The following RCAN1 variants were observed in gnomAD, a reference collection of about 807,000 sequenced individuals.
RCAN1 encodes the protein calcipressin-1.
In RCAN1, 11 loss-of-function variants were observed where a neutral mutation model predicts 22.9. The observed-to-expected ratio is 0.48, with a 90% CI of 0.30 to 0.79. The LOEUF (loss-of-function observed/expected upper bound fraction) is 0.79. Ranked by LOEUF, RCAN1 falls within the 30% of genes least tolerant of loss-of-function variation. The pLI is 0.06. For missense variants in RCAN1, 291 were observed against 337.8 expected (o/e 0.86, Z 1.09); for synonymous variants, 136 against 142.3 (o/e 0.96, Z 0.32).
At chr21:34,589,677 G>A (rs747214356) in intron 1 of RCAN1, among the ~76,000 whole-genome samples, 18 of 150,696 alleles carry the variant, frequency 1.2e-4, no homozygotes, top group Non-Finnish European at 2.1e-4. Flanking sequence ...ATCTGCTGGG[G>A]GCCTGAAGAG....
intron 1 of RCAN1, among the ~76,000 whole-genome samples, chr21:34,538,512 C>A (rs759129072): frequency 6.6e-6 from 1 of 152,166 alleles, no homozygotes; most frequent in Admixed American, 6.5e-5. Context: ...CCACTCCCCG[C>A]CATGGGTACT....
chr21:34,524,776 G>A (rs553344017), intron 1 of RCAN1: 28 of 283,468 alleles, frequency 9.9e-5, no homozygotes, highest in East Asian at 5.7e-4. Context: ...TGCAAAGCTC[G>A]AGGTGGGGGA....
intron 1 of RCAN1, among the ~76,000 whole-genome samples, chr21:34,555,579 A>AAAAAT (rs1396032092): frequency 6.6e-6 from 1 of 150,700 alleles, no homozygotes; most frequent in African/African-American, 2.4e-5. Flanking sequence ...CTCAAAAAAA[A>AAAAAT]AAATAAATAA....
At chr21:34,535,213 CATG>C (rs982397602) in intron 1 of RCAN1, among the ~76,000 whole-genome samples, 1 of 152,146 alleles carries the variant, frequency 6.6e-6, no homozygotes, top group Non-Finnish European at 1.5e-5. Context: ...TAGGCTTTTT[CATG>C]ATAAGCAAGT....
intron 1 of RCAN1, among the ~76,000 whole-genome samples, chr21:34,536,262 A>G (rs1299346094): frequency 1.3e-5 from 2 of 152,186 alleles, no homozygotes; most frequent in Non-Finnish European, 2.9e-5. Flanking sequence ...GGCCAAAGCC[A>G]CCCTAATTAA....
intron 1 of RCAN1, among the ~76,000 whole-genome samples, chr21:34,548,069 T>G (rs1045773343): frequency 2.0e-5 from 3 of 152,154 alleles, no homozygotes; most frequent in African/African-American, 7.2e-5. Context: ...AACCTCAGAC[T>G]TCTCAACATC....
intron 3 of RCAN1, among the ~76,000 whole-genome samples, chr21:34,520,386 T>TG (rs1369598731): frequency 6.6e-6 from 1 of 152,196 alleles, no homozygotes; most frequent in Non-Finnish European, 1.5e-5. Flanking sequence ...CAGGAGCTGC[T>TG]GTGGGGGGAG....
chr21:34,556,356 G>A (rs1364425902), intron 1 of RCAN1, among the ~76,000 whole-genome samples: 1 of 150,574 alleles, frequency 6.6e-6, no homozygotes, highest in Middle Eastern at 3.2e-3. Flanking sequence ...AGCCCAGGAG[G>A]TCGAGGCTGC....
chr21:34,579,357 T>C (rs988545938), intron 1 of RCAN1, among the ~76,000 whole-genome samples: 1 of 152,154 alleles, frequency 6.6e-6, no homozygotes, highest in Admixed American at 6.5e-5. Context: ...GAGCTGAGAT[T>C]GCGCCACTGC....
intron 1 of RCAN1, among the ~76,000 whole-genome samples, chr21:34,608,658 CCA>C (rs1988604593): frequency 6.6e-6 from 1 of 152,202 alleles, no homozygotes; most frequent in Non-Finnish European, 1.5e-5. Flanking sequence ...AATTTCTGAC[CCA>C]CAGACACTGT....
At chr21:34,560,115 T>A (rs1986734258) in intron 1 of RCAN1, 1 of 152,228 alleles carries the variant, frequency 6.6e-6, no homozygotes, top group Admixed American at 6.5e-5. Context: ...GTTCTTGGCA[T>A]TTCTGACCAC....
chr21:34,603,204 A>C (rs1201073783), intron 1 of RCAN1, among the ~76,000 whole-genome samples: 2 of 152,218 alleles, frequency 1.3e-5, no homozygotes, highest in Admixed American at 1.3e-4. Context: ...ACTGCAGCAC[A>C]CACATGAAGT....
chr21:34,576,039 T>C (rs1254984503), intron 1 of RCAN1, among the ~76,000 whole-genome samples: 2 of 152,150 alleles, frequency 1.3e-5, no homozygotes, highest in Admixed American at 6.5e-5. Context: ...CCAAAACTGC[T>C]GTGCCCTATA....
At chr21:34,611,397 T>C (rs2123739425) in intron 1 of RCAN1, among the ~76,000 whole-genome samples, 2 of 152,334 alleles carry the variant, frequency 1.3e-5, no homozygotes, top group East Asian at 3.8e-4. Context: ...ATTTACAATA[T>C]TGATCCTGAG....
chr21:34,569,246 A>G (rs1251831554), intron 1 of RCAN1, among the ~76,000 whole-genome samples: 1 of 152,190 alleles, frequency 6.6e-6, no homozygotes, highest in Non-Finnish European at 1.5e-5. Context: ...TGGGCTTGAG[A>G]ATACAGTATT....
chr21:34,591,475 C>T (rs1987971431), intron 1 of RCAN1, among the ~76,000 whole-genome samples: 1 of 152,038 alleles, frequency 6.6e-6, no homozygotes, highest in Admixed American at 6.6e-5. Flanking sequence ...GGGGGGAACA[C>T]GATGTATTCA....
intron 1 of RCAN1, among the ~76,000 whole-genome samples, chr21:34,612,819 T>G (rs928226883): frequency 6.6e-6 from 1 of 152,188 alleles, no homozygotes; most frequent in Non-Finnish European, 1.5e-5. Flanking sequence ...GGCCTGGACA[T>G]CCCTTGTTAG....
intron 3 of RCAN1, among the ~76,000 whole-genome samples, chr21:34,519,115 G>A (rs765661251): frequency 2.0e-5 from 3 of 152,302 alleles, no homozygotes; most frequent in South Asian, 2.1e-4. Context: ...TAAAGGAGAC[G>A]GTAAAGGTAT....
chr21:34,597,732 A>G (rs1988208523), intron 1 of RCAN1, among the ~76,000 whole-genome samples: 1 of 152,242 alleles, frequency 6.6e-6, no homozygotes, highest in South Asian at 2.1e-4. Context: ...TATTATAAAC[A>G]AGATGGAAAA....
Sources: gnomAD v4.1 joint callset for allele counts (sites outside exome capture counted in the v4.1 genomes callset) on GRCh38, gnomAD v4.1.1 for gene constraint, MANE v1.5 for transcripts, NCBI Gene and HGNC (gene_info 2026-07-23, HGNC 2026-07-21) for gene names.